CPNE8: variants seen among roughly 807,000 people sequenced by gnomAD.
CPNE8 encodes the protein copine-8.
In CPNE8, 45 loss-of-function variants were observed where a neutral mutation model predicts 81.5. The observed-to-expected ratio is 0.55, with a 90% CI of 0.44 to 0.71. The LOEUF (loss-of-function observed/expected upper bound fraction) is 0.71, where lower values mean the gene tolerates loss of function less well. Ranked by LOEUF, CPNE8 falls within the 30% of genes least tolerant of loss-of-function variation. CPNE8 has a pLI of 0.00. For synonymous variants in CPNE8, 252 were observed against 226.3 expected, an observed-to-expected ratio of 1.11 and a Z score of -1.02; for missense variants, 594 against 672.1, an observed-to-expected ratio of 0.88 and a Z score of 1.28.
intron 10 of CPNE8, among the ~76,000 whole-genome samples, chr12:38,755,598 G>C (rs56393587): frequency 6.7e-6 from 1 of 150,170 alleles, no homozygotes; most frequent in Non-Finnish European, 1.5e-5. Context: ...CTCAAAAAAA[G>C]AAAAAAAAAG....
At position 38,653,184 on chromosome 12, in the gene CPNE8, G is replaced by C. The variant is rs1336596388; in HGVS notation, c.*698C>G. 6.6e-6 allele frequency: 1 copy of C among 152,372 alleles called. No homozygotes were observed. The highest frequency in any genetic ancestry group is 1.5e-5 in the Non-Finnish European group (1 of 68,020). The allele number at this position is 152,372 out of a possible 1,614,324, so 9.4% of individuals were successfully genotyped here. A position where few individuals can be genotyped will look rare whatever the true frequency, so the allele number is the denominator to read the frequency against. On this transcript the variant is annotated 3_prime_UTR_variant, in exon 20 of 20. Transcript: ENST00000331366. ...ACAAACCAACTGCAGTCTAAATTTAGAACCCAAACTCCATGAAAAATGCAT... is the reference window on the plus strand; with the variant it reads ...ACAAACCAACTGCAGTCTAAATTTACAACCCAAACTCCATGAAAAATGCAT...
chr12:38,890,172 C>CTT (rs146075426), intron 1 of CPNE8, among the ~76,000 whole-genome samples: 12 of 151,254 alleles, frequency 7.9e-5, no homozygotes, highest in African/African-American at 2.9e-4. Flanking sequence ...TTATAATTTT[C>CTT]TTTTTTTTTC....
intron 15 of CPNE8, among the ~76,000 whole-genome samples, chr12:38,688,025 A>G (rs1026865962): frequency 1.3e-5 from 2 of 152,194 alleles, no homozygotes; most frequent in Non-Finnish European, 2.9e-5. Context: ...TTGATAAGGT[A>G]TGAAGCTAAT....
intron 10 of CPNE8, among the ~76,000 whole-genome samples, chr12:38,731,412 C>T (rs1343231743): frequency 6.6e-6 from 1 of 151,740 alleles, no homozygotes; most frequent in East Asian, 1.9e-4. Context: ...AATGAAAATA[C>T]CAGTTTTTAA....
chr12:38,853,829 C>G (rs1349639572), intron 3 of CPNE8, among the ~76,000 whole-genome samples: 2 of 151,984 alleles, frequency 1.3e-5, no homozygotes, highest in African/African-American at 4.8e-5. Context: ...CTGGAAAGAA[C>G]ACTCAGTAAC....
chr12:38,871,577 CAG>C (rs2137102986), intron 3 of CPNE8, among the ~76,000 whole-genome samples: 1 of 152,192 alleles, frequency 6.6e-6, no homozygotes, highest in East Asian at 1.9e-4. Context: ...ATTGTTGCAA[CAG>C]GGAGGACAAA....
intron 6 of CPNE8, among the ~76,000 whole-genome samples, chr12:38,780,113 T>A (rs1449237713): frequency 6.6e-6 from 1 of 152,028 alleles, no homozygotes; most frequent in Non-Finnish European, 1.5e-5. Flanking sequence ...AGGGTCCAAT[T>A]TAATTCTTTT....
At chr12:38,706,166 A>G (rs1940101218) in intron 13 of CPNE8, among the ~76,000 whole-genome samples, 1 of 152,126 alleles carries the variant, frequency 6.6e-6, no homozygotes, top group Non-Finnish European at 1.5e-5. Flanking sequence ...TTCTGGCTAT[A>G]ATAGGCACAC....
chr12:38,760,142 C>T (rs1941543061), intron 10 of CPNE8, among the ~76,000 whole-genome samples: 1 of 151,952 alleles, frequency 6.6e-6, no homozygotes, highest in Non-Finnish European at 1.5e-5. Context: ...CCTTTGATAC[C>T]CACATATTCA....
At chr12:38,800,948 G>C (rs1942647318) in intron 6 of CPNE8, among the ~76,000 whole-genome samples, 1 of 143,438 alleles carries the variant, frequency 7.0e-6, no homozygotes, top group African/African-American at 2.6e-5. Context: ...AAGAAGGGAA[G>C]TTTAGAGAAA....
chr12:38,751,551 G>T (rs1161745312), intron 10 of CPNE8, among the ~76,000 whole-genome samples: 1 of 152,126 alleles, frequency 6.6e-6, no homozygotes, highest in East Asian at 1.9e-4. Flanking sequence ...AGCTTGAGTT[G>T]CTGTGGGATG....
At chr12:38,782,881 T>C (rs116239128) in intron 6 of CPNE8, among the ~76,000 whole-genome samples, 1,972 of 152,164 alleles carry the variant, frequency 0.013, 48 homozygotes, top group African/African-American at 0.044. Flanking sequence ...GGTCTCACTA[T>C]GTTGCCTAAG....
intron 6 of CPNE8, among the ~76,000 whole-genome samples, chr12:38,781,945 T>C (rs909803343): frequency 6.6e-6 from 1 of 152,110 alleles, no homozygotes; most frequent in Admixed American, 6.6e-5. Flanking sequence ...AATTGTAACA[T>C]ATCAGATCAA....
chr12:38,807,231 C>T (rs1245385086), intron 6 of CPNE8, among the ~76,000 whole-genome samples: 1 of 149,178 alleles, frequency 6.7e-6, no homozygotes. Context: ...TGACTTTCTT[C>T]ACAGAATTGG....
intron 10 of CPNE8, among the ~76,000 whole-genome samples, chr12:38,759,083 G>T (rs826845): frequency 6.6e-6 from 1 of 151,980 alleles, no homozygotes; most frequent in Non-Finnish European, 1.5e-5. Context: ...ATACATTTCT[G>T]TTACATTAGG....
intron 12 of CPNE8, among the ~76,000 whole-genome samples, chr12:38,724,043 C>T (rs1422080816): frequency 6.6e-6 from 1 of 152,070 alleles, no homozygotes; most frequent in African/African-American, 2.4e-5. Flanking sequence ...CTTTCTATGA[C>T]CAGTTTACTT....
rs768990621 is a variant in CPNE8, at chr12:38,654,015, G to C, written c.1562C>G (p.Ala521Gly). The change falls in exon 20 of 20, where the codon GCT becomes GGT. Residue 521 changes from alanine (A) to glycine (G), a missense_variant. Coordinates refer to ENST00000331366, the MANE Select transcript of CPNE8 (RefSeq NM_153634.3). ...AGCTAGGACATCTTTAGCCAATCTA[G>C]CCATGCTCAGTATGTGGTTTCCACT... ...DRSGNHILSM[A>G]RLAKDVLAEI... 1 of 1,613,488 alleles carries C rather than the reference G, an allele frequency of 6.2e-7. No individual in the cohort carries two copies. The highest frequency in any genetic ancestry group is 8.5e-7 in the Non-Finnish European group (1 of 1,179,836).
chr12:38,760,053 A>G (rs1015280288), intron 10 of CPNE8, among the ~76,000 whole-genome samples: 2 of 152,152 alleles, frequency 1.3e-5, no homozygotes, highest in Admixed American at 1.3e-4. Context: ...TCCATTTATC[A>G]GTGAGCTATG....
chr12:38,764,720 A>G (rs1355997019), intron 8 of CPNE8, among the ~76,000 whole-genome samples: 1 of 152,092 alleles, frequency 6.6e-6, no homozygotes, highest in Non-Finnish European at 1.5e-5. Context: ...ATTCATTAAG[A>G]TACATTCATA....
Sources: allele counts gnomAD v4.1 joint callset (sites outside exome capture counted in the v4.1 genomes callset), GRCh38; gene constraint gnomAD v4.1.1; transcripts MANE v1.5; gene names NCBI Gene and HGNC (gene_info 2026-07-23, HGNC 2026-07-21).